COL22A1: variants seen among roughly 807,000 people sequenced by gnomAD.
The protein encoded by COL22A1 is collagen alpha-1(XXII) chain.
A neutral mutation model predicts 248.9 loss-of-function variants in COL22A1; 221 were observed. The observed-to-expected ratio is 0.89, with a 90% CI of 0.80 to 0.99. The LOEUF is 0.99. Among genes scored for constraint, COL22A1 ranks in the 50% least tolerant of loss-of-function variants. The pLI is 0.00. For synonymous variants in COL22A1, 891 were observed against 793.4 expected (o/e 1.12, Z -2.07); for missense variants, 2,240 against 2,179.0 (o/e 1.03, Z -0.56).
chr8:138,893,831 T>C (rs1825221225), intron 1 of COL22A1, among the ~76,000 whole-genome samples: 1 of 152,216 alleles, frequency 6.6e-6, no homozygotes. Context: ...AGGAAATAAA[T>C]GCTTATATTT....
intron 31 of COL22A1, among the ~76,000 whole-genome samples, chr8:138,700,917 G>A (rs62527949): frequency 0.099 from 14,832 of 149,698 alleles, 919 homozygotes; most frequent in Non-Finnish European, 0.13. Context: ...CCCAGGAGGC[G>A]GAGCTTGCAG....
chr8:138,751,468 T>G lies in COL22A1; in HGVS notation c.2075A>C (p.Gln692Pro). The part of the protein sequence containing the change: ...PEGRDGPPGL[Q>P]GLRGKKGDMG... The stretch of plus-strand genomic sequence containing the variant: ...AGAGAGTTTACTTACTCGGAGACCT[T>G]GCAAACCAGGAGGTCCATCCCTGCC... Residue 692 changes from glutamine (Q) to proline (P), a missense_variant, in exon 22 of 65, where the codon CAA becomes CCA. Physicochemically the swap from Gln to Pro is moderately conservative, Grantham distance 76. Coordinates refer to ENST00000303045, the MANE Select transcript of COL22A1 (RefSeq NM_152888.3). 1 of 1,611,442 alleles carries G rather than the reference T, an allele frequency of 6.2e-7. No individual in the cohort carries two copies. Among genetic ancestry groups the G allele is most frequent in the East Asian group, 2.2e-5 (1 of 44,650 alleles).
Position 138,821,334 on chromosome 8 carries a change from C to T in COL22A1, c.1047G>A (p.Val349=). 4 of 1,614,122 alleles carry T rather than the reference C, an allele frequency of 2.5e-6. No individual in the cohort carries two copies. The highest frequency in any genetic ancestry group is 3.4e-6 in the Non-Finnish European group (4 of 1,180,004). Residue 349 remains valine, a synonymous_variant, in exon 7 of 65, where the codon GTG becomes GTA. Coordinates refer to ENST00000303045, the MANE Select transcript of COL22A1 (RefSeq NM_152888.3). ...CATTGACCCGAGAACCTCGGAAGAC[C>T]ACCCTGACAGCATCTTTCATGGCAC... ...AVGAMKDAVR[V]VFRGSRVNDL...
intron 4 of COL22A1, among the ~76,000 whole-genome samples, chr8:138,835,188 G>A (rs1820338501): frequency 6.6e-6 from 1 of 152,134 alleles, no homozygotes; most frequent in Admixed American, 6.5e-5. Context: ...GCCATCCTGA[G>A]GTTGTCAAGT....
intron 3 of COL22A1, among the ~76,000 whole-genome samples, chr8:138,860,248 T>C (rs1822350010): frequency 1.3e-5 from 2 of 152,176 alleles, no homozygotes; most frequent in Admixed American, 6.5e-5. Context: ...ATCTAATCGA[T>C]TTCTCATTCA....
At chr8:138,636,239 G>C (rs1410038421) in intron 48 of COL22A1, among the ~76,000 whole-genome samples, 1 of 151,990 alleles carries the variant, frequency 6.6e-6, no homozygotes, top group Non-Finnish European at 1.5e-5. Context: ...AGAGAGAGCA[G>C]TGAGCCCTTA....
chr8:138,781,315 T>C (rs1440768314), intron 12 of COL22A1, among the ~76,000 whole-genome samples: 1 of 152,080 alleles, frequency 6.6e-6, no homozygotes, highest in Non-Finnish European at 1.5e-5. Flanking sequence ...GTCTCATATG[T>C]GTAAAGTAGA....
chr8:138,703,246 G>A, intron 31 of COL22A1, 60 bp downstream of exon 31: 2 of 1,402,158 alleles, frequency 1.4e-6, no homozygotes, highest in Non-Finnish European at 2.0e-6. Flanking sequence ...TGCTGGAGGG[G>A]GAGTACGAAT....
intron 63 of COL22A1, among the ~76,000 whole-genome samples, chr8:138,593,700 A>G (rs373516008): frequency 3.9e-5 from 6 of 152,152 alleles, no homozygotes; most frequent in African/African-American, 1.4e-4. Context: ...CTTATTCCTC[A>G]GTGCTAAACT....
At chr8:138,682,564 T>C (rs7006910) in intron 39 of COL22A1, among the ~76,000 whole-genome samples, 28,229 of 152,180 alleles carry the variant, frequency 0.19, 2,616 homozygotes, top group South Asian at 0.21. Context: ...GATATGGGCA[T>C]ACCTAGAGCT....
intron 3 of COL22A1, among the ~76,000 whole-genome samples, chr8:138,867,970 G>A (rs574015527): frequency 1.1e-4 from 17 of 152,174 alleles, no homozygotes; most frequent in Admixed American, 7.9e-4. Flanking sequence ...TCACCATGTT[G>A]GTCAGGATGG....
chr8:138,594,165 CG>C lies in COL22A1; in HGVS notation c.4466del (p.Pro1489ArgfsTer4). On this transcript the variant is annotated frameshift_variant, in exon 63 of 65. Transcript: ENST00000303045. LOFTEE classifies it high-confidence loss of function. The part of the protein sequence containing the change: ...RLAYLLAQMP[P>X]AYMKSSQGRP... ...TGCCTTGAGATGACTTCATGTACGC[CG>C]GGGGCATCTGGGCCAGGAGGTAGGC... The C allele has an allele frequency of 2.5e-6, 4 of 1,571,972 alleles. No individual in the cohort carries two copies. The highest frequency in any genetic ancestry group is 2.8e-5 in the African/African-American group (2 of 71,166).
intron 1 of COL22A1, among the ~76,000 whole-genome samples, chr8:138,911,262 CA>C (rs1300447064): frequency 6.6e-6 from 1 of 152,244 alleles, no homozygotes; most frequent in East Asian, 1.9e-4. Flanking sequence ...ACCAAGACAG[CA>C]GACCAGCTGC....
Position 138,646,630 on chromosome 8 carries a change from T to C in COL22A1, c.3500A>G (p.Gln1167Arg). 1 of 1,582,504 alleles carries C rather than the reference T, an allele frequency of 6.3e-7. No homozygotes were observed. The highest frequency in any genetic ancestry group is 8.6e-7 in the Non-Finnish European group (1 of 1,163,458). The change falls in exon 47 of 65, where the codon CAG becomes CGG. Residue 1167 changes from glutamine (Q) to arginine (R), a missense_variant and splice_region_variant. Transcript: ENST00000303045. Reference protein sequence around the residue: ...LPGPPGIAGPQGSQGERGADG... With the variant: ...LPGPPGIAGPRGSQGERGADG... Reference sequence around the variant, plus strand: ...AGATGGTTATGAAGTCTCACTGACCTGTGGTCCAGCTATTCCTGGGGGCCC... The same window carrying C: ...AGATGGTTATGAAGTCTCACTGACCCGTGGTCCAGCTATTCCTGGGGGCCC...
intron 50 of COL22A1, among the ~76,000 whole-genome samples, chr8:138,629,439 C>A (rs1364646497): frequency 6.6e-6 from 1 of 152,310 alleles, no homozygotes; most frequent in East Asian, 1.9e-4. Context: ...CAGGCATGAG[C>A]CACTGTGCCC....
Position 138,603,576 on chromosome 8 carries a change from C to T in COL22A1, c.4140+1158G>A, listed in dbSNP as rs565945311. Among the ~76,000 whole-genome samples the T allele has an allele frequency of 4.6e-5, 7 of 152,212 alleles. No homozygotes were observed. The East Asian group carries it at 9.7e-4, about 21-fold the overall frequency. On this transcript the variant is annotated intron_variant, in intron 59 of 64. Coordinates refer to ENST00000303045, the MANE Select transcript of COL22A1 (RefSeq NM_152888.3). ...TTATTCGAGAAGTCCAAAGAGAATT[C>T]GTGTAGGCAGCAGCCCAAGTACAAG...
chr8:138,591,016 C>T lies in COL22A1; in HGVS notation c.4693+408G>A, dbSNP rs935512205. ...AAGGACTTCTCTTTCAAGTGAATTT[C>T]GAAAGTGCTAGGTTAAACAAAACAG... On this transcript the variant is annotated intron_variant, in intron 64 of 64. Transcript: ENST00000303045. Among the ~76,000 whole-genome samples, 3 of 152,146 alleles carry T rather than the reference C, an allele frequency of 2.0e-5. No homozygotes were observed. In the East Asian group the frequency reaches 5.8e-4, roughly 29 times the overall value.
At chr8:138,738,128 A>AT (rs1831268113) in intron 22 of COL22A1, among the ~76,000 whole-genome samples, 1 of 152,144 alleles carries the variant, frequency 6.6e-6, no homozygotes, top group South Asian at 2.1e-4. Context: ...GGTATCCTTT[A>AT]TACAAGTGCA....
At chr8:138,716,431 G>A in intron 28 of COL22A1, 142 bp from the exon 29 acceptor site, 3 of 633,118 alleles carry the variant, frequency 4.7e-6, no homozygotes. Context: ...GCAATGCAGT[G>A]GAGAAAGCGG....
Sources: allele counts gnomAD v4.1 joint callset (sites outside exome capture counted in the v4.1 genomes callset), GRCh38; gene constraint gnomAD v4.1.1; transcripts MANE v1.5; gene names NCBI Gene and HGNC (gene_info 2026-07-23, HGNC 2026-07-21).